Variants in CDKL4 observed in about 807,000 individuals in gnomAD.
CDKL4 encodes cyclin-dependent kinase-like 4.
In CDKL4, 44 loss-of-function variants were observed where a neutral mutation model predicts 42.0. The ratio of observed to expected loss-of-function variants is 1.05; its 90% CI spans 0.82 to 1.35. The LOEUF (loss-of-function observed/expected upper bound fraction) is 1.35. Ranked by LOEUF, CDKL4 falls within the 40% of genes most tolerant of loss-of-function variation. The probability of loss-of-function intolerance (pLI) is 0.00; values close to 1 mark genes in which losing one functional copy is unlikely to be tolerated. For missense variants in CDKL4, 393 were observed against 369.9 expected (o/e 1.06, Z -0.51); for synonymous variants, 120 against 121.6 (o/e 0.99, Z 0.09).
At position 39,223,601 on chromosome 2, in the gene CDKL4, ACTT is replaced by A. The variant is rs1199445010; in HGVS notation, c.290+2235_290+2237del. Among the ~76,000 whole-genome samples the A allele has an allele frequency of 4.4e-3, 346 of 78,684 alleles. 6 individuals are homozygous for A. The highest frequency in any genetic ancestry group is 0.02 in the African/African-American group (328 of 16,648). The allele number at this position is 78,684 out of a possible 152,430, so 51.6% of individuals were successfully genotyped here. On this transcript the variant is annotated intron_variant, in intron 3 of 9. Transcript: ENST00000451199. ...CTTCTCTTTTTTTTTTTTTTTGAAG[ACTT>A]CTGTCTTCAAAAAAAAAAAAAAAAG...
rs184391613 is a variant in CDKL4 at position 39,216,315 on chromosome 2, C to T, written c.291-2843G>A. On this transcript the variant is annotated intron_variant, in intron 3 of 9. Transcript: ENST00000451199. ...GGAAGAGGTGCAGAATAGCAAGAGGCCCTGAGGAGAGAAAGAACTGGAGGT... is the reference window on the plus strand; with the variant it reads ...GGAAGAGGTGCAGAATAGCAAGAGGTCCTGAGGAGAGAAAGAACTGGAGGT... Among the ~76,000 whole-genome samples the T allele has an allele frequency of 9.9e-5, 15 of 152,096 alleles. No individual in the cohort carries two copies. In the East Asian group the frequency reaches 1.4e-3, roughly 14 times the overall value.
At chr2:39,223,515 T>C (rs548627006) in intron 3 of CDKL4, among the ~76,000 whole-genome samples, 7 of 151,712 alleles carry the variant, frequency 4.6e-5, no homozygotes, top group African/African-American at 7.3e-5. Flanking sequence ...CTAAAAAGTT[T>C]TGAATTTCCT....
downstream of CDKL4, among the ~76,000 whole-genome samples, chr2:39,172,546 A>G (rs1212973146): frequency 2.0e-5 from 3 of 152,194 alleles, no homozygotes; most frequent in South Asian, 4.1e-4. Context: ...ACCCAGGGAC[A>G]ATTAAACAGG....
chr2:39,216,751 T>C (rs986428047), intron 3 of CDKL4, among the ~76,000 whole-genome samples: 1 of 152,078 alleles, frequency 6.6e-6, no homozygotes, highest in Non-Finnish European at 1.5e-5. Flanking sequence ...GAGTAAGTAC[T>C]GGAATTGGGA....
the CDKL4 span, among the ~76,000 whole-genome samples, chr2:39,169,829 C>T: frequency 6.6e-6 from 1 of 152,078 alleles, no homozygotes; most frequent in South Asian, 2.1e-4. Flanking sequence ...GACAGGGTCT[C>T]ACTCTGTCAC....
Position 39,187,831 on chromosome 2 carries a change from G to T in CDKL4, c.653-122C>A. 6.3e-6 allele frequency: 4 copies of T among 635,448 alleles called. No homozygotes were observed. In the South Asian group the frequency reaches 7.7e-5, roughly 12 times the overall value. The allele number at this position is 635,448 out of a possible 1,614,324, so 39.4% of individuals were successfully genotyped here. A position where few individuals can be genotyped will look rare whatever the true frequency, so the allele number is the denominator to read the frequency against. On this transcript the variant is annotated intron_variant, in intron 6 of 9. Coordinates refer to ENST00000451199, the Ensembl canonical transcript of CDKL4. ...ACCTGTAATTCCAGCACTTTGAGAG[G>T]CTACGGCAGGTGGATCACTTGACGT... is the stretch of plus-strand genomic sequence containing the variant.
chr2:39,196,381 TGGTAGCTTCTCTG>T (rs1676517041), intron 5 of CDKL4, among the ~76,000 whole-genome samples: 1 of 152,190 alleles, frequency 6.6e-6, no homozygotes, highest in Admixed American at 6.5e-5. Flanking sequence ...GCCCAGAGCC[TGGTAGCTTCTCTG>T]GGTGGCTAGA....
chr2:39,190,409 T>G, exon 6 of CDKL4: 2 of 1,613,878 alleles, frequency 1.2e-6, no homozygotes, highest in Non-Finnish European at 1.7e-6. Flanking sequence ...AGCCCATATA[T>G]CGACTGAAGA....
At chr2:39,173,021 A>T (rs531714195), downstream of CDKL4, among the ~76,000 whole-genome samples, 1 of 152,298 alleles carries the variant, frequency 6.6e-6, no homozygotes, top group South Asian at 2.1e-4. Flanking sequence ...GTTTGAATTA[A>T]TTTTTTAATG....
At chr2:39,227,952 G>A (rs754893370) in intron 2 of CDKL4, among the ~76,000 whole-genome samples, 5 of 152,136 alleles carry the variant, frequency 3.3e-5, no homozygotes, top group South Asian at 2.1e-4. Flanking sequence ...AAGGAAGGTC[G>A]ACTGATCACA....
intron 4 of CDKL4, among the ~76,000 whole-genome samples, chr2:39,209,678 T>C (rs1677463192): frequency 6.6e-6 from 1 of 152,148 alleles, no homozygotes; most frequent in African/African-American, 2.4e-5. Flanking sequence ...TAACCTGCAG[T>C]GTCCTGTTTA....
chr2:39,219,387 C>G (rs1425619363), intron 3 of CDKL4, among the ~76,000 whole-genome samples: 1 of 150,560 alleles, frequency 6.6e-6, no homozygotes, highest in African/African-American at 2.4e-5. Context: ...GATGGCCACT[C>G]AGTAATGAAA....
chr2:39,243,244 G>A lies in CDKL4; in HGVS notation c.-57+627C>T, dbSNP rs773860482. Among the ~76,000 whole-genome samples, 180 of 141,144 alleles carry A rather than the reference G, an allele frequency of 1.3e-3. 1 individual carries two copies. Among genetic ancestry groups the A allele is most frequent in the Non-Finnish European group, 2.3e-3 (151 of 65,818 alleles). 92.6% of individuals were successfully genotyped at this position (141,144 alleles called of 152,430 possible). On this transcript the variant is annotated intron_variant, in intron 1 of 9. Coordinates refer to ENST00000451199, the Ensembl canonical transcript of CDKL4. ...AGTCACAACCTCCTATGTTGTTATT[G>A]TTTTCAACCAAACCAAACATGAATT... is the stretch of plus-strand genomic sequence containing the variant.
At chr2:39,235,938 C>G (rs1679346781) in intron 1 of CDKL4, among the ~76,000 whole-genome samples, 1 of 151,358 alleles carries the variant, frequency 6.6e-6, no homozygotes, top group Non-Finnish European at 1.5e-5. Context: ...GACTGATACT[C>G]AGAAAAAATA....
chr2:39,207,936 T>C (rs1315711625), intron 4 of CDKL4, among the ~76,000 whole-genome samples: 2 of 152,022 alleles, frequency 1.3e-5, no homozygotes, highest in Non-Finnish European at 2.9e-5. Context: ...ACCCTGTCTC[T>C]ACTAAACATA....
chr2:39,245,855 G>C (rs113639090), upstream of CDKL4, among the ~76,000 whole-genome samples: 196 of 152,332 alleles, frequency 1.3e-3, 4 homozygotes, highest in African/African-American at 4.6e-3. Flanking sequence ...CTATGGATCA[G>C]AGGCCATTTT....
exon 4 of CDKL4, chr2:39,213,409 A>G (rs1458637923): frequency 1.1e-5 from 18 of 1,587,648 alleles, no homozygotes; most frequent in East Asian, 6.7e-5. Flanking sequence ...CGTTATGTAT[A>G]TGACAGAAAT....
chr2:39,245,854 A>C (rs1573046534), upstream of CDKL4, among the ~76,000 whole-genome samples: 1 of 152,372 alleles, frequency 6.6e-6, no homozygotes, highest in Admixed American at 6.5e-5. Context: ...GCTATGGATC[A>C]GAGGCCATTT....
intron 9 of CDKL4, chr2:39,178,939 C>T: frequency 2.1e-6 from 3 of 1,446,044 alleles, no homozygotes; most frequent in African/African-American, 1.4e-5. Flanking sequence ...CCAATCAGAG[C>T]AGCCAAAGAG....
Sources: allele counts gnomAD v4.1 joint callset (sites outside exome capture counted in the v4.1 genomes callset), GRCh38; gene constraint gnomAD v4.1.1; transcripts MANE v1.5; gene names NCBI Gene and HGNC (gene_info 2026-07-23, HGNC 2026-07-21).